XRN2: variants seen among roughly 807,000 people sequenced by gnomAD.
XRN2 encodes 5'-3' exoribonuclease 2.
A neutral mutation model predicts 138.5 loss-of-function variants in XRN2; 44 were observed. The ratio of observed to expected loss-of-function variants is 0.32; its 90% CI spans 0.25 to 0.41. The LOEUF is 0.41. XRN2 is among the 10% of genes least tolerant of loss of function. XRN2 has a pLI of 1.00. For missense variants in XRN2, 937 were observed against 1,169.3 expected, an observed-to-expected ratio of 0.80 and a Z score of 2.90; for synonymous variants, 354 against 369.4, an observed-to-expected ratio of 0.96 and a Z score of 0.48.
intron 28 of XRN2, among the ~76,000 whole-genome samples, chr20:21,386,094 C>T (rs919512248): frequency 6.6e-6 from 1 of 152,212 alleles, no homozygotes; most frequent in Admixed American, 6.5e-5. Flanking sequence ...TGATTTAGTA[C>T]ATTATACCTG....
At chr20:21,350,322 C>A (rs570172081) in intron 20 of XRN2, among the ~76,000 whole-genome samples, 2 of 151,988 alleles carry the variant, frequency 1.3e-5, no homozygotes, top group Non-Finnish European at 1.5e-5. Flanking sequence ...GTCAGGAGAT[C>A]GAGACCATCC....
At chr20:21,344,008 G>GTT in intron 15 of XRN2, 82 bp from the exon 16 acceptor site, 1 of 959,692 alleles carries the variant, frequency 1.0e-6, no homozygotes, top group Non-Finnish European at 1.6e-6. Flanking sequence ...GTGAAACATG[G>GTT]TAAGTAGTGG....
chr20:21,321,273 GAT>G (rs1266750036), intron 1 of XRN2, among the ~76,000 whole-genome samples: 2 of 146,182 alleles, frequency 1.4e-5, no homozygotes, highest in Non-Finnish European at 3.0e-5. Flanking sequence ...GAATTGCTCT[GAT>G]TATAGTTATG....
Position 21,313,284 on chromosome 20 carries a change from T to G in XRN2, c.75+9811T>G, listed in dbSNP as rs2037909627. On this transcript the variant is annotated intron_variant, in intron 1 of 29. Coordinates refer to ENST00000377191, the MANE Select transcript of XRN2 (RefSeq NM_012255.5). ...TGCTCCCTACAGTTTCCCCCTCTGG[T>G]CATCTCTGTGCAAGGGCTGAAAGCA... Among the ~76,000 whole-genome samples, 2 of 152,228 alleles carry G rather than the reference T, an allele frequency of 1.3e-5. 1 individual carries two copies. The highest frequency in any genetic ancestry group is 4.1e-4 in the South Asian group (2 of 4,832).
chr20:21,316,374 G>T (rs985570106), intron 1 of XRN2, among the ~76,000 whole-genome samples: 3 of 152,170 alleles, frequency 2.0e-5, no homozygotes, highest in African/African-American at 7.2e-5. Context: ...CAAATTCAAG[G>T]TCACAAATAT....
chr20:21,354,924 A>G (rs1355929662), intron 21 of XRN2, 52 bp downstream of exon 21: 10 of 1,422,004 alleles, frequency 7.0e-6, no homozygotes, highest in Non-Finnish European at 9.6e-6. Flanking sequence ...TACACTTTAT[A>G]TTTCTGTATA....
intron 24 of XRN2, among the ~76,000 whole-genome samples, chr20:21,361,473 G>C (rs959636854): frequency 6.6e-5 from 10 of 152,188 alleles, no homozygotes; most frequent in Admixed American, 3.3e-4. Context: ...TACAGAATTA[G>C]ATGAAGCAAT....
intron 27 of XRN2, among the ~76,000 whole-genome samples, chr20:21,372,512 A>C (rs1267507675): frequency 6.6e-6 from 1 of 152,212 alleles, no homozygotes; most frequent in Non-Finnish European, 1.5e-5. Flanking sequence ...TTTTAACTAC[A>C]GTACATGTTA....
chr20:21,321,307 G>C (rs1167471273), intron 1 of XRN2, among the ~76,000 whole-genome samples: 3 of 21,096 alleles, frequency 1.4e-4, no homozygotes, highest in Non-Finnish European at 2.1e-4. Context: ...CTGGCTGTGT[G>C]TGTGTGTGTG....
rs192424166 is a variant in XRN2 at position 21,374,243 on chromosome 20, C to T, written c.2584+5653C>T. 3.0e-3 allele frequency among the ~76,000 whole-genome samples: 454 copies of T among 152,002 alleles called. 1 individual carries two copies. The highest frequency in any genetic ancestry group is 0.011 in the African/African-American group (438 of 41,444). ...ATGTTCTTTGAAATCTTTTTGTGTA[C>T]ACAATTATGTCATCTCCAAGTAGTG... On this transcript the variant is annotated intron_variant, in intron 27 of 29. Coordinates refer to ENST00000377191, the MANE Select transcript of XRN2 (RefSeq NM_012255.5).
intron 20 of XRN2, among the ~76,000 whole-genome samples, chr20:21,350,692 T>C (rs1487347996): frequency 6.6e-6 from 1 of 152,166 alleles, no homozygotes; most frequent in African/African-American, 2.4e-5. Flanking sequence ...CATTTTTTAC[T>C]TATTGTTCTC....
chr20:21,314,119 A>G (rs903265090), intron 1 of XRN2, among the ~76,000 whole-genome samples: 2 of 152,164 alleles, frequency 1.3e-5, no homozygotes, highest in African/African-American at 4.8e-5. Flanking sequence ...TTAAGCAACC[A>G]CTAATCTACT....
At chr20:21,338,818 GA>G (rs922387516) in intron 13 of XRN2, among the ~76,000 whole-genome samples, 20 of 152,138 alleles carry the variant, frequency 1.3e-4, no homozygotes, top group African/African-American at 9.7e-5. Flanking sequence ...TTTCTGAACA[GA>G]ATTACCAAGA....
intron 28 of XRN2, among the ~76,000 whole-genome samples, chr20:21,385,776 G>A (rs1010781948): frequency 2.0e-5 from 3 of 152,150 alleles, no homozygotes; most frequent in African/African-American, 7.2e-5. Flanking sequence ...GCCCAGCGCC[G>A]GGCTTTTTTC....
At chr20:21,345,347 T>C (rs1335202848) in intron 16 of XRN2, among the ~76,000 whole-genome samples, 1 of 152,246 alleles carries the variant, frequency 6.6e-6, no homozygotes, top group East Asian at 1.9e-4. Context: ...TTTAGCATTT[T>C]TTCATTAACC....
chr20:21,366,163 T>TTATATA (rs35851861), intron 26 of XRN2, among the ~76,000 whole-genome samples: 1 of 107,808 alleles, frequency 9.3e-6, no homozygotes. Context: ...TATTTATAGT[T>TTATATA]TATATAATAT....
chr20:21,351,342 A>T (rs1401851520), intron 20 of XRN2, among the ~76,000 whole-genome samples: 1 of 152,160 alleles, frequency 6.6e-6, no homozygotes, highest in East Asian at 1.9e-4. Flanking sequence ...GCATTTTCCT[A>T]ATGATTAGTG....
At chr20:21,360,092 T>G (rs922830275) in intron 24 of XRN2, among the ~76,000 whole-genome samples, 1 of 152,120 alleles carries the variant, frequency 6.6e-6, no homozygotes, top group Non-Finnish European at 1.5e-5. Context: ...GAGATCATAT[T>G]TTTTTCCCAT....
At chr20:21,360,177 A>G (rs544850103) in intron 24 of XRN2, among the ~76,000 whole-genome samples, 3 of 152,252 alleles carry the variant, frequency 2.0e-5, no homozygotes, top group African/African-American at 7.2e-5. Flanking sequence ...TCTGGAGGGT[A>G]AGTGCATATG....
Sources: gnomAD v4.1 joint callset for allele counts (sites outside exome capture counted in the v4.1 genomes callset) on GRCh38, gnomAD v4.1.1 for gene constraint, MANE v1.5 for transcripts, NCBI Gene and HGNC (gene_info 2026-07-23, HGNC 2026-07-21) for gene names.